CSMD1: variants seen among roughly 807,000 people sequenced by gnomAD.
CSMD1 encodes the protein CUB and Sushi multiple domains 1.
CSMD1 carries 213 observed loss-of-function variants against 417.5 expected under a neutral mutation model. The observed-to-expected ratio is 0.51, with a 90% CI of 0.46 to 0.57. The LOEUF (loss-of-function observed/expected upper bound fraction) is 0.57. CSMD1 is among the 20% of genes least tolerant of loss of function. CSMD1 has a pLI of 0.00. For missense variants in CSMD1, 6,923 were observed against 4,529.7 expected (o/e 1.53, Z -15.17); for synonymous variants, 2,862 against 1,736.8 (o/e 1.65, Z -16.11).
intron 2 of CSMD1, among the ~76,000 whole-genome samples, chr8:4,431,835 A>G (rs1438275538): frequency 6.6e-6 from 1 of 152,186 alleles, no homozygotes; most frequent in African/African-American, 2.4e-5. Flanking sequence ...ATAAAGTACT[A>G]CGAAATGTGG....
At chr8:4,504,244 G>T (rs191545942) in intron 2 of CSMD1, among the ~76,000 whole-genome samples, 7 of 152,126 alleles carry the variant, frequency 4.6e-5, no homozygotes, top group African/African-American at 1.7e-4. Flanking sequence ...GTCAAATACC[G>T]TAGGATTCCA....
chr8:4,925,836 C>T (rs894794652), intron 1 of CSMD1, among the ~76,000 whole-genome samples: 3 of 152,138 alleles, frequency 2.0e-5, no homozygotes, highest in South Asian at 2.1e-4. Context: ...CGTGAGCCCT[C>T]GCGCCTGGCC....
rs144894249 is a variant in CSMD1 at position 3,008,902 on chromosome 8, C to A, written c.8030-8771G>T. On this transcript the variant is annotated intron_variant, in intron 52 of 69. Transcript: ENST00000635120. ...ATTTACCTTCACATCATAACGCACGCAGAGTGAACACCTCACATGCAAGTA... is the reference window on the plus strand; with the variant it reads ...ATTTACCTTCACATCATAACGCACGAAGAGTGAACACCTCACATGCAAGTA... 7.2e-3 allele frequency among the ~76,000 whole-genome samples: 1,102 copies of A among 152,294 alleles called. 12 individuals are homozygous for A. Among genetic ancestry groups the A allele is most frequent in the African/African-American group, 0.025 (1,051 of 41,550 alleles).
intron 12 of CSMD1, among the ~76,000 whole-genome samples, chr8:3,426,773 A>G (rs1390601077): frequency 6.6e-6 from 1 of 152,222 alleles, no homozygotes; most frequent in Non-Finnish European, 1.5e-5. Context: ...GTGCTAAGTT[A>G]TATTTAATGG....
chr8:4,458,010 C>G (rs1305851338), intron 2 of CSMD1, among the ~76,000 whole-genome samples: 1 of 152,126 alleles, frequency 6.6e-6, no homozygotes, highest in Admixed American at 6.6e-5. Context: ...AGTGACTTCT[C>G]CCTATATCCG....
chr8:4,256,922 C>T (rs755124869), intron 3 of CSMD1, among the ~76,000 whole-genome samples: 8 of 152,152 alleles, frequency 5.3e-5, no homozygotes, highest in Non-Finnish European at 8.8e-5. Context: ...AATTTATTTT[C>T]CTTCCGCTTT....
At chr8:4,931,386 C>G (rs1807234598) in intron 1 of CSMD1, among the ~76,000 whole-genome samples, 1 of 152,218 alleles carries the variant, frequency 6.6e-6, no homozygotes. Flanking sequence ...TTAGCTAATA[C>G]TTCCTGAGTG....
intron 2 of CSMD1, among the ~76,000 whole-genome samples, chr8:4,421,734 T>A (rs75234169): frequency 6.6e-6 from 1 of 150,698 alleles, no homozygotes; most frequent in Non-Finnish European, 1.5e-5. Context: ...TTAGAAAAAC[T>A]CCCAAATCCC....
chr8:4,188,809 G>T (rs1047858660), intron 3 of CSMD1, among the ~76,000 whole-genome samples: 3 of 151,810 alleles, frequency 2.0e-5, no homozygotes, highest in Non-Finnish European at 2.9e-5. Flanking sequence ...AATATTATGG[G>T]GGAGGATGGT....
At chr8:4,270,669 G>A (rs1298116688) in intron 3 of CSMD1, among the ~76,000 whole-genome samples, 1 of 152,152 alleles carries the variant, frequency 6.6e-6, no homozygotes, top group Non-Finnish European at 1.5e-5. Flanking sequence ...TGCCAATGTA[G>A]CTCCTTTCTT....
chr8:4,238,245 A>G (rs1802183879), intron 3 of CSMD1, among the ~76,000 whole-genome samples: 2 of 152,160 alleles, frequency 1.3e-5, no homozygotes, highest in African/African-American at 4.8e-5. Flanking sequence ...TCTATGTGCC[A>G]GACCCTGTGA....
chr8:4,785,777 G>A (rs1023873129), intron 1 of CSMD1, among the ~76,000 whole-genome samples: 1 of 152,088 alleles, frequency 6.6e-6, no homozygotes, highest in East Asian at 1.9e-4. Flanking sequence ...ATTCTCCCGG[G>A]AACCTTATAA....
intron 3 of CSMD1, among the ~76,000 whole-genome samples, chr8:4,166,166 G>A (rs1005900525): frequency 6.6e-6 from 1 of 152,084 alleles, no homozygotes; most frequent in South Asian, 2.1e-4. Flanking sequence ...TAAATTTGTA[G>A]TAGTCTACTT....
At chr8:4,953,887 T>C (rs150489893) in intron 1 of CSMD1, among the ~76,000 whole-genome samples, 19 of 152,200 alleles carry the variant, frequency 1.2e-4, no homozygotes, top group African/African-American at 1.9e-4. Context: ...GGCTTAGAGA[T>C]TGGACTACCC....
rs150978750 is a variant in CSMD1 at position 4,590,640 on chromosome 8, G to A, written c.302+46702C>T. On this transcript the variant is annotated intron_variant, in intron 2 of 69. Coordinates refer to ENST00000635120, the MANE Select transcript of CSMD1 (RefSeq NM_033225.6). ...TTAATATATGTTGTTCAAAGTTGTTGACTTTTACAACATTATAAAGCTATA... is the reference window on the plus strand; with the variant it reads ...TTAATATATGTTGTTCAAAGTTGTTAACTTTTACAACATTATAAAGCTATA... 2.3e-3 allele frequency among the ~76,000 whole-genome samples: 346 copies of A among 152,172 alleles called. 1 individual carries two copies. The highest frequency in any genetic ancestry group is 8.1e-3 in the African/African-American group (335 of 41,534).
intron 5 of CSMD1, among the ~76,000 whole-genome samples, chr8:3,905,090 G>A (rs141895624): frequency 2.7e-3 from 413 of 152,290 alleles, no homozygotes; most frequent in African/African-American, 9.4e-3. Context: ...CCAAATGTCT[G>A]TAGGGAAACT....
chr8:4,066,392 C>G (rs1799250390), intron 3 of CSMD1, among the ~76,000 whole-genome samples: 1 of 152,000 alleles, frequency 6.6e-6, no homozygotes, highest in Admixed American at 6.5e-5. Flanking sequence ...GGATGTTTGG[C>G]ATGTCCTCTT....
At chr8:3,276,727 A>C (rs1349100339) in intron 26 of CSMD1, among the ~76,000 whole-genome samples, 1 of 152,210 alleles carries the variant, frequency 6.6e-6, no homozygotes, top group Non-Finnish European at 1.5e-5. Flanking sequence ...CAGCTCAATT[A>C]CAAAGCATAT....
Position 4,275,340 on chromosome 8 carries a change from T to C in CSMD1, c.415+144613A>G, listed in dbSNP as rs147593399. Among the ~76,000 whole-genome samples, 51 of 152,310 alleles carry C rather than the reference T, an allele frequency of 3.3e-4. No homozygotes were observed. The East Asian group carries it at 8.7e-3, about 26-fold the overall frequency. On this transcript the variant is annotated intron_variant, in intron 3 of 69. Transcript: ENST00000635120. ...GGTATAAAGCTTCTGTGTTGTGTAT[T>C]TGTTGGAAGAAACTCAGTGCCAAGA...
Sources: allele counts gnomAD v4.1 joint callset (sites outside exome capture counted in the v4.1 genomes callset), GRCh38; gene constraint gnomAD v4.1.1; transcripts MANE v1.5; gene names NCBI Gene and HGNC (gene_info 2026-07-23, HGNC 2026-07-21).